The following UBAP2 variants were observed in gnomAD, a reference collection of about 807,000 sequenced individuals.
UBAP2 encodes ubiquitin-associated protein 2.
Under a neutral mutation model 139.6 loss-of-function variants are expected in UBAP2, and 75 were observed. The ratio of observed to expected loss-of-function variants is 0.54; its 90% CI spans 0.45 to 0.65. The LOEUF (loss-of-function observed/expected upper bound fraction) is 0.65. Among genes scored for constraint, UBAP2 ranks in the 30% least tolerant of loss-of-function variants. UBAP2 has a pLI of 0.00. For missense variants in UBAP2, 1,368 were observed against 1,369.6 expected (o/e 1.00, Z 0.02); for synonymous variants, 526 against 526.2 (o/e 1.00, Z 0.01).
chr9:33,985,891 G>A (rs1221223202), intron 6 of UBAP2, among the ~76,000 whole-genome samples: 6 of 152,014 alleles, frequency 3.9e-5, no homozygotes, highest in South Asian at 4.2e-4. Flanking sequence ...GCATGGTGGC[G>A]TGCACCTGTA....
intron 2 of UBAP2, among the ~76,000 whole-genome samples, chr9:34,005,044 CTT>C (rs1823066980): frequency 6.6e-6 from 1 of 151,916 alleles, no homozygotes; most frequent in African/African-American, 2.4e-5. Context: ...AGGCGGATCA[CTT>C]GAGGTCAGGA....
At chr9:34,032,600 T>C (rs929397757) in intron 1 of UBAP2, among the ~76,000 whole-genome samples, 3 of 152,196 alleles carry the variant, frequency 2.0e-5, no homozygotes, top group Non-Finnish European at 1.5e-5. Flanking sequence ...ACAGTCATGA[T>C]GACCACAACC....
chr9:34,036,107 G>A (rs1360153622), intron 1 of UBAP2, among the ~76,000 whole-genome samples: 2 of 151,310 alleles, frequency 1.3e-5, no homozygotes, highest in Non-Finnish European at 2.9e-5. Flanking sequence ...TCAGGAATTT[G>A]ATACTTTTTT....
chr9:33,976,036 C>T (rs1828314867), intron 6 of UBAP2, among the ~76,000 whole-genome samples: 1 of 151,930 alleles, frequency 6.6e-6, no homozygotes, highest in Admixed American at 6.6e-5. Context: ...GGCAACAAAG[C>T]GAGATGCCAC....
intron 4 of UBAP2, among the ~76,000 whole-genome samples, chr9:33,990,214 G>A (rs1050432319): frequency 1.3e-5 from 2 of 151,984 alleles, no homozygotes; most frequent in Admixed American, 6.6e-5. Flanking sequence ...ATTTCAGAAG[G>A]GACTGGAAAT....
At chr9:34,003,183 C>G (rs1371012461) in intron 2 of UBAP2, among the ~76,000 whole-genome samples, 1 of 151,462 alleles carries the variant, frequency 6.6e-6, no homozygotes, top group Non-Finnish European at 1.5e-5. Context: ...TACAGGCATG[C>G]CACCACGCCC....
At position 33,923,868 on chromosome 9, in the gene UBAP2, G is replaced by C; in HGVS notation, c.2723C>G (p.Pro908Arg). ...QQPFVNPALP[P>R]GYSYTGLPYY... ...GGGAAGACCAGTGTAGCTATAGCCA[G>C]GTGGCAGTGCAGGATTCACGAAGGG... The change falls in exon 24 of 29, where the codon CCT (proline) becomes CGT (arginine). Residue 908 changes from proline to arginine, a missense_variant. Coordinates refer to ENST00000379238, the MANE Select transcript of UBAP2 (RefSeq NM_001370062.2). The C allele has an allele frequency of 8.1e-6, 13 of 1,614,222 alleles. No homozygotes were observed. The highest frequency in any genetic ancestry group is 1.1e-5 in the Non-Finnish European group (13 of 1,180,034).
chr9:34,026,080 A>C (rs1825375793), intron 1 of UBAP2, among the ~76,000 whole-genome samples: 1 of 152,230 alleles, frequency 6.6e-6, no homozygotes, highest in Non-Finnish European at 1.5e-5. Context: ...ACTTTTCTAA[A>C]AACCATGTAT....
intron 2 of UBAP2, among the ~76,000 whole-genome samples, chr9:34,005,860 TG>T (rs1477488935): frequency 6.6e-6 from 1 of 152,150 alleles, no homozygotes; most frequent in Non-Finnish European, 1.5e-5. Context: ...AATATGTCAA[TG>T]AAAATACACC....
At chr9:33,932,697 G>C in intron 18 of UBAP2, 69 bp from the exon 19 acceptor site, 1 of 1,543,166 alleles carries the variant, frequency 6.5e-7, no homozygotes, top group Non-Finnish European at 8.9e-7. Context: ...GACGCACGTG[G>C]GTCAGTGAGC....
chr9:33,983,933 A>T (rs307700), intron 6 of UBAP2, among the ~76,000 whole-genome samples: 1 of 151,220 alleles, frequency 6.6e-6, no homozygotes, highest in African/African-American at 2.4e-5. Context: ...TTTATTTGAG[A>T]CAGAGCATCA....
At position 33,953,590 on chromosome 9, in the gene UBAP2, T is replaced by C. The variant is rs1587553412; in HGVS notation, c.867-116A>G. The C allele has an allele frequency of 4.5e-6, 5 of 1,113,434 alleles. No individual in the cohort carries two copies. In the East Asian group the frequency reaches 1.3e-4, roughly 29 times the overall value. The allele number at this position is 1,113,434 out of a possible 1,614,324, so 69.0% of individuals were successfully genotyped here. On this transcript the variant is annotated intron_variant, in intron 11 of 28. Coordinates refer to ENST00000379238, the MANE Select transcript of UBAP2 (RefSeq NM_001370062.2). The stretch of plus-strand genomic sequence containing the variant: ...CATTAAAAATCAAATGAGGAGAACC[T>C]TTGGAAAATGGGGTTTAAGGGGGCA...
intron 1 of UBAP2, among the ~76,000 whole-genome samples, chr9:34,044,294 G>C (rs1418412927): frequency 1.3e-5 from 2 of 151,628 alleles, no homozygotes; most frequent in African/African-American, 4.9e-5. Context: ...CCAGCTACTC[G>C]GGAGGCTGAG....
In UBAP2 at chr9:33,988,992, G is replaced by T. The variant is rs140158168; in HGVS notation, c.423C>A (p.Gly141=). 15 of 1,613,016 alleles carry T rather than the reference G, an allele frequency of 9.3e-6. No homozygotes were observed. The highest frequency in any genetic ancestry group is 1.7e-4 in the Middle Eastern group (1 of 6,060). The change falls in exon 5 of 29, where the codon GGC becomes GGA. Residue 141 remains glycine, a synonymous_variant. Coordinates refer to ENST00000379238, the MANE Select transcript of UBAP2 (RefSeq NM_001370062.2). ...ACTTACATTCTCTGCCACGATTGCCGCCTCTTCCTTTCCGGTTGTTGTTTC... is the reference window on the plus strand; with the variant it reads ...ACTTACATTCTCTGCCACGATTGCCTCCTCTTCCTTTCCGGTTGTTGTTTC... ...GRGNNNRKGR[G]GNRGREFRGE...
chr9:33,980,211 G>A (rs72727385), intron 6 of UBAP2, among the ~76,000 whole-genome samples: 19,257 of 133,256 alleles, frequency 0.14, 1,530 homozygotes, highest in South Asian at 0.34. Flanking sequence ...CAAATCCTGA[G>A]TGTCATTTCT....
chr9:34,022,567 C>G (rs1335417391), intron 1 of UBAP2, among the ~76,000 whole-genome samples: 1 of 151,018 alleles, frequency 6.6e-6, no homozygotes, highest in East Asian at 2.0e-4. Context: ...TCCCAAGTAG[C>G]TGGGACTATA....
chr9:33,973,563 T>C (rs1186501008), intron 6 of UBAP2, among the ~76,000 whole-genome samples: 2 of 152,202 alleles, frequency 1.3e-5, no homozygotes, highest in Non-Finnish European at 2.9e-5. Flanking sequence ...TATAAGCCAC[T>C]ACTATAAATG....
At chr9:33,930,305 G>T (rs575463604) in intron 19 of UBAP2, among the ~76,000 whole-genome samples, 1 of 151,770 alleles carries the variant, frequency 6.6e-6, no homozygotes, top group Non-Finnish European at 1.5e-5. Context: ...TCCACATCAC[G>T]TACTGACCCG....
chr9:34,015,946 G>A (rs1824214066), intron 2 of UBAP2, among the ~76,000 whole-genome samples: 1 of 152,148 alleles, frequency 6.6e-6, no homozygotes, highest in Admixed American at 6.6e-5. Context: ...TGAGATTACA[G>A]ACATGAGCCA....
Sources: allele counts gnomAD v4.1 joint callset (sites outside exome capture counted in the v4.1 genomes callset), GRCh38; gene constraint gnomAD v4.1.1; transcripts MANE v1.5; gene names NCBI Gene and HGNC (gene_info 2026-07-23, HGNC 2026-07-21).